The following LPCAT1 variants were observed in gnomAD, a reference collection of about 807,000 sequenced individuals.
LPCAT1 encodes the protein 1-acylglycerol-3-phosphate O-acyltransferase.
In LPCAT1, 23 loss-of-function variants were observed where a neutral mutation model predicts 60.9. That is an observed-to-expected ratio of 0.38 (90% CI 0.27 to 0.53). The LOEUF is 0.53. Ranked by LOEUF, LPCAT1 falls within the 20% of genes least tolerant of loss-of-function variation. The pLI is 0.82. For synonymous variants in LPCAT1, 340 were observed against 301.1 expected (o/e 1.13, Z -1.34); for missense variants, 622 against 723.6 (o/e 0.86, Z 1.61).
intron 1 of LPCAT1, among the ~76,000 whole-genome samples, chr5:1,513,838 C>T (rs570032261): frequency 1.5e-5 from 2 of 137,104 alleles, no homozygotes; most frequent in African/African-American, 5.6e-5. Context: ...GGACACCCTG[C>T]GATTACATTC....
At chr5:1,497,280 G>C (rs2126576362) in intron 2 of LPCAT1, among the ~76,000 whole-genome samples, 1 of 152,372 alleles carries the variant, frequency 6.6e-6, no homozygotes, top group East Asian at 1.9e-4. Flanking sequence ...CATGCAGGGG[G>C]AAAAGGAGGA....
At chr5:1,512,472 G>A (rs562022018) in intron 1 of LPCAT1, among the ~76,000 whole-genome samples, 41 of 152,310 alleles carry the variant, frequency 2.7e-4, no homozygotes, top group African/African-American at 9.9e-4. Flanking sequence ...CCAACATCTG[G>A]GGCAAGCACC....
intron 3 of LPCAT1, among the ~76,000 whole-genome samples, chr5:1,493,074 G>C (rs184908975): frequency 6.6e-6 from 1 of 152,242 alleles, no homozygotes; most frequent in South Asian, 2.1e-4. Flanking sequence ...GGAAACCTGC[G>C]TGTGAGAGCC....
intron 8 of LPCAT1, among the ~76,000 whole-genome samples, chr5:1,478,787 T>C (rs752016117): frequency 2.5e-4 from 38 of 152,268 alleles, no homozygotes; most frequent in Admixed American, 4.6e-4. Flanking sequence ...GACTCATCTT[T>C]TATTTCCAGA....
chr5:1,498,616 AC>A (rs1222444038), intron 2 of LPCAT1, among the ~76,000 whole-genome samples: 2 of 152,054 alleles, frequency 1.3e-5, no homozygotes, highest in Non-Finnish European at 2.9e-5. Context: ...ACCTGTACAC[AC>A]GTACACTTGC....
chr5:1,519,495 C>G (rs148606595), intron 1 of LPCAT1, among the ~76,000 whole-genome samples: 1 of 152,188 alleles, frequency 6.6e-6, no homozygotes, highest in Non-Finnish European at 1.5e-5. Flanking sequence ...AAAATTCATT[C>G]GGAAAATTAG....
Position 1,479,663 on chromosome 5 carries a change from C to T in LPCAT1, c.774G>A (p.Leu258=). Residue 258 remains leucine, a synonymous_variant, in exon 8 of 14, where the codon CTG becomes CTA. Transcript: ENST00000283415. ...TGTGAAACTGACACAGCGTGAGCCA[C>T]AGGATTTCCAGCCTTAAAAACAGAT... is the stretch of plus-strand genomic sequence containing the variant. ...TWQGPGALEI[L]WLTLCQFHNQ... is the part of the protein sequence containing the mutation. 6.2e-7 allele frequency: 1 copy of T among 1,612,194 alleles called. No homozygotes were observed. The highest frequency in any genetic ancestry group is 8.5e-7 in the Non-Finnish European group (1 of 1,178,250).
chr5:1,505,603 C>T (rs1579806699), intron 1 of LPCAT1, among the ~76,000 whole-genome samples: 2 of 152,262 alleles, frequency 1.3e-5, no homozygotes, highest in African/African-American at 2.4e-5. Context: ...ACATGGGGTT[C>T]GCTGGGCCAG....
rs955783311 is a variant in LPCAT1, at chr5:1,461,785, C to G, written c.*1866G>C. On this transcript the variant is annotated 3_prime_UTR_variant, in exon 14 of 14. Coordinates refer to ENST00000283415, the MANE Select transcript of LPCAT1 (RefSeq NM_024830.5). ...TTCAAAAAACCCTTCATCTGCAGAC[C>G]TGCGGAAGGGAGGTGGCCTGGGTCC... 6.6e-6 allele frequency: 1 copy of G among 152,628 alleles called. No homozygotes were observed. 9.5% of individuals were successfully genotyped at this position (152,628 alleles called of 1,614,324 possible).
At chr5:1,507,265 G>A (rs534464882) in intron 1 of LPCAT1, among the ~76,000 whole-genome samples, 5 of 152,318 alleles carry the variant, frequency 3.3e-5, no homozygotes, top group South Asian at 2.1e-4. Flanking sequence ...GCTGTGGGCC[G>A]GCTGTCACCA....
intron 8 of LPCAT1, among the ~76,000 whole-genome samples, chr5:1,478,127 G>A (rs560462652): frequency 6.6e-6 from 1 of 152,258 alleles, no homozygotes; most frequent in Non-Finnish European, 1.5e-5. Context: ...GCAGCGTTTT[G>A]CCACCTCTTG....
In LPCAT1 at chr5:1,476,444, T is replaced by C. The variant is rs1431888379; in HGVS notation, c.899+960A>G. On this transcript the variant is annotated intron_variant, in intron 9 of 13. Coordinates refer to ENST00000283415, the MANE Select transcript of LPCAT1 (RefSeq NM_024830.5). The surrounding 1 kb of genome is among the most constrained non-coding windows in gnomAD (Gnocchi z 8.6). ...CTGAATCTTCAGGGTGTCAGCGGAG[T>C]GTGAACAAAGTGGCTCGGAGGTCAG... 2.6e-5 allele frequency among the ~76,000 whole-genome samples: 4 copies of C among 151,216 alleles called. No individual in the cohort carries two copies. The highest frequency in any genetic ancestry group is 3.4e-3 in the Middle Eastern group (1 of 294).
At position 1,465,080 on chromosome 5, in the gene LPCAT1, CACACAT is replaced by C. The variant is rs1258486954; in HGVS notation, c.1421-1251_1421-1246del. On this transcript the variant is annotated intron_variant, in intron 13 of 13. Transcript: ENST00000283415. ...ACAAGTGCACGCACACACACGGTAA[CACACAT>C]GCGCATGCACACATGGTAACCACAC... Among the ~76,000 whole-genome samples, 18 of 49,842 alleles carry C rather than the reference CACACAT, an allele frequency of 3.6e-4. No homozygotes were observed. The South Asian group carries it at 0.01, about 28-fold the overall frequency. The allele number at this position is 49,842 out of a possible 152,430, so 32.7% of individuals were successfully genotyped here. A position where few individuals can be genotyped will look rare whatever the true frequency, so the allele number is the denominator to read the frequency against.
intron 13 of LPCAT1, among the ~76,000 whole-genome samples, chr5:1,465,867 T>G (rs572987756): frequency 8.1e-6 from 1 of 122,912 alleles, no homozygotes; most frequent in Non-Finnish European, 2.0e-5. Context: ...CTTTCAGTAC[T>G]GAAACAAACG....
rs1408735162 is a variant in LPCAT1, at chr5:1,463,671, C to G, written c.1585G>C (p.Val529Leu). Residue 529 changes from valine (V) to leucine (L), a missense_variant, in exon 14 of 14, where the codon GTT becomes CTT. Physicochemically the swap from Val to Leu is conservative, Grantham distance 32 (BLOSUM62 1). This residue lies in a region of LPCAT1 where 288 missense variants were observed against 283.6 expected (regional missense o/e 1.02). Coordinates refer to ENST00000283415, the MANE Select transcript of LPCAT1 (RefSeq NM_024830.5). The part of the protein sequence containing the change: ...PENSDAGRKP[V>L]RKKLD The stretch of plus-strand genomic sequence containing the variant: ...GGGTCCTAATCCAGCTTCTTGCGAA[C>G]AGGCTTCCGCCCAGCGTCTGAGTTT... 6.2e-7 allele frequency: 1 copy of G among 1,614,098 alleles called. No homozygotes were observed. The highest frequency in any genetic ancestry group is 1.7e-5 in the Admixed American group (1 of 60,018).
chr5:1,506,938 C>T, intron 1 of LPCAT1, among the ~76,000 whole-genome samples: 1 of 152,338 alleles, frequency 6.6e-6, no homozygotes, highest in East Asian at 1.9e-4. Flanking sequence ...GAGGCTTCCA[C>T]AGAAGCCCCC....
At chr5:1,485,486 C>A (rs1317961165) in intron 5 of LPCAT1, among the ~76,000 whole-genome samples, 2 of 152,202 alleles carry the variant, frequency 1.3e-5, no homozygotes, top group African/African-American at 4.8e-5. Flanking sequence ...TTCTAAACTG[C>A]ACAGAAACCT....
At chr5:1,473,453 T>C (rs1418714826) in intron 11 of LPCAT1, among the ~76,000 whole-genome samples, 1 of 152,246 alleles carries the variant, frequency 6.6e-6, no homozygotes, top group Non-Finnish European at 1.5e-5. Context: ...GGTGTGACCG[T>C]GGATGCCTCA....
intron 9 of LPCAT1, among the ~76,000 whole-genome samples, chr5:1,475,734 CCGAG>C (rs1194585305): frequency 8.6e-5 from 13 of 152,022 alleles, no homozygotes; most frequent in Admixed American, 3.3e-4. Context: ...ACTCCACTCC[CCGAG>C]TGGGGCTGCA....
Sources: gnomAD v4.1 joint callset for allele counts (sites outside exome capture counted in the v4.1 genomes callset) on GRCh38, gnomAD v4.1.1 for gene constraint, gnomAD v4.1.1 regional missense constraint, Gnocchi (gnomAD v3.1) non-coding constraint, MANE v1.5 for transcripts, NCBI Gene and HGNC (gene_info 2026-07-23, HGNC 2026-07-21) for gene names.